BRD9: variants seen among roughly 807,000 people sequenced by gnomAD.
The protein encoded by BRD9 is bromodomain containing 9, also known as bromodomain-containing protein 9.
Under a neutral mutation model 68.7 loss-of-function variants are expected in BRD9, and 47 were observed. The ratio of observed to expected loss-of-function variants is 0.68; its 90% CI spans 0.54 to 0.87. The LOEUF is 0.87. Ranked by LOEUF, BRD9 falls within the 40% of genes least tolerant of loss-of-function variation. The probability of loss-of-function intolerance (pLI) is 0.00; values close to 1 mark genes in which losing one functional copy is unlikely to be tolerated. For synonymous variants in BRD9, 313 were observed against 293.9 expected (o/e 1.06, Z -0.67); for missense variants, 670 against 748.4 (o/e 0.90, Z 1.22).
In BRD9 at chr5:891,732, C is replaced by T; in HGVS notation, c.175G>A (p.Glu59Lys). Residue 59 changes from glutamate to lysine, a missense_variant, in exon 2 of 16, where the codon GAG (glutamate) becomes AAG (lysine). By Grantham distance (56) the Glu-to-Lys change is moderately conservative. Around this residue, in one of 5 missense-constraint regions of BRD9, gnomAD observed 161 missense variants for 148.1 expected, o/e 1.09. Transcript: ENST00000467963. ...SSYYDDRSDH[E>K]RERHKEKKKK... is the part of the protein sequence containing the mutation. ...TTCTTTTCTTTGTGCCTCTCTCGCT[C>T]ATGGTCTGACCTGTCATCATAGTAA... The T allele has an allele frequency of 6.4e-7, 1 of 1,551,678 alleles. No homozygotes were observed. Among genetic ancestry groups the T allele is most frequent in the Non-Finnish European group, 8.7e-7 (1 of 1,147,008 alleles).
chr5:889,254 C>T (rs72703155), intron 4 of BRD9, 89 bp from the exon 5 acceptor site: 59,199 of 1,353,324 alleles, frequency 0.044, 1,491 homozygotes, highest in Non-Finnish European at 0.048. Flanking sequence ...TACAACTGAC[C>T]GAATTTTGTT....
At position 883,669 on chromosome 5, in the gene BRD9, C is replaced by A; in HGVS notation, c.966+269G>T. 7.4e-6 allele frequency: 4 copies of A among 537,562 alleles called. No homozygotes were observed. In the East Asian group the frequency reaches 1.3e-4, roughly 17 times the overall value. 33.3% of individuals were successfully genotyped at this position (537,562 alleles called of 1,614,324 possible). On this transcript the variant is annotated intron_variant, in intron 8 of 15. Coordinates refer to ENST00000467963, the MANE Select transcript of BRD9 (RefSeq NM_023924.5). ...CACTCCAAGAGAAAGGATTAGCCTGCAGCAGGGCCTCCATCAAGGAAATGA... is the reference window on the plus strand; with the variant it reads ...CACTCCAAGAGAAAGGATTAGCCTGAAGCAGGGCCTCCATCAAGGAAATGA...
intron 3 of BRD9, 70 bp downstream of exon 3, chr5:891,085 A>T: frequency 1.4e-6 from 2 of 1,470,164 alleles, no homozygotes; most frequent in Non-Finnish European, 1.8e-6. Flanking sequence ...GCAACAGGAC[A>T]CGGTGCCGAC....
chr5:864,567 T>C lies in BRD9; in HGVS notation c.1695A>G (p.Gly565=). The C allele has an allele frequency of 6.2e-7, 1 of 1,613,378 alleles. No individual in the cohort carries two copies. Among genetic ancestry groups the C allele is most frequent in the Non-Finnish European group, 8.5e-7 (1 of 1,179,590 alleles). Residue 565 remains glycine, a splice_region_variant and synonymous_variant, in exon 16 of 16, where the codon GGA becomes GGG. Transcript: ENST00000467963. ...NASERDQHHL[G]SPSRLSVGEQ... ...CCCCGACACTCAGGCGAGAAGGGCT[T>C]CCTGCAATTTTCAGAACACAGGACT...
intron 7 of BRD9, among the ~76,000 whole-genome samples, chr5:886,042 A>G (rs925022162): frequency 3.9e-5 from 6 of 152,172 alleles, no homozygotes; most frequent in Admixed American, 6.5e-5. Context: ...GAGGGAGCAG[A>G]GCTACAGGGA....
At chr5:865,939 C>A in intron 14 of BRD9, 1 of 197,066 alleles carries the variant, frequency 5.1e-6, no homozygotes, top group Middle Eastern at 1.8e-3. Flanking sequence ...GGCCAGACAG[C>A]TGGATGGAGG....
chr5:877,782 C>G (rs927597857), intron 11 of BRD9, among the ~76,000 whole-genome samples: 1 of 152,178 alleles, frequency 6.6e-6, no homozygotes, highest in African/African-American at 2.4e-5. Context: ...GGGACTTTAA[C>G]GGCCTTTAGA....
intron 12 of BRD9, among the ~76,000 whole-genome samples, chr5:875,807 T>A (rs890557119): frequency 2.0e-5 from 3 of 152,194 alleles, no homozygotes; most frequent in African/African-American, 7.2e-5. Context: ...TGTCAGTAAA[T>A]CTGAACTACA....
chr5:891,198 C>A lies in BRD9; in HGVS notation c.357G>T (p.Glu119Asp), dbSNP rs771759798. The A allele has an allele frequency of 5.2e-6, 8 of 1,551,762 alleles. No individual in the cohort carries two copies. Among genetic ancestry groups the A allele is most frequent in the African/African-American group, 1.4e-5 (1 of 73,076 alleles). Residue 119 changes from glutamate (E) to aspartate (D), a missense_variant, in exon 3 of 16, where the codon GAG becomes GAT. Transcript: ENST00000467963. Reference sequence around the variant, plus strand: ...CTCGGACTGGCCGATCTGGGGGCGGCTCCACCTCCACCTTCTTCCCAGGAT... The same window carrying A: ...CTCGGACTGGCCGATCTGGGGGCGGATCCACCTCCACCTTCTTCCCAGGAT... ...DFDPGKKVEV[E>D]PPPDRPVRAC...
chr5:871,693 A>T (rs909952665), intron 12 of BRD9, 129 bp from the exon 13 acceptor site: 10 of 851,120 alleles, frequency 1.2e-5, no homozygotes, highest in Admixed American at 1.8e-5. Flanking sequence ...CAGTCACACC[A>T]TCTTAATGGA....
chr5:876,042 T>C (rs1579942128), intron 12 of BRD9, 59 bp downstream of exon 12: 1 of 1,235,754 alleles, frequency 8.1e-7, no homozygotes, highest in Non-Finnish European at 1.2e-6. Context: ...TGCAGGCTCT[T>C]CCCGCCAGCA....
At chr5:889,255 G>C (rs903020291) in intron 4 of BRD9, 90 bp from the exon 5 acceptor site, 3 of 1,340,916 alleles carry the variant, frequency 2.2e-6, no homozygotes, top group Non-Finnish European at 3.0e-6. Context: ...ACAACTGACC[G>C]AATTTTGTTT....
intron 8 of BRD9, chr5:883,238 G>A (rs1432713304): frequency 9.1e-6 from 4 of 438,416 alleles, no homozygotes; most frequent in Admixed American, 2.5e-5. Context: ...GCATTTTGAA[G>A]ACTTAATATG....
chr5:876,887 C>T (rs959806547), intron 11 of BRD9, among the ~76,000 whole-genome samples: 5 of 152,094 alleles, frequency 3.3e-5, no homozygotes, highest in Admixed American at 6.5e-5. Context: ...ACCCACAGCC[C>T]GGGACAGGCC....
chr5:869,176 G>A, intron 14 of BRD9: 2 of 373,450 alleles, frequency 5.4e-6, no homozygotes, highest in South Asian at 4.0e-5. Context: ...CCCACTCTTG[G>A]CCAAGGGCAC....
At chr5:873,364 G>A (rs1750431139) in intron 12 of BRD9, among the ~76,000 whole-genome samples, 1 of 152,124 alleles carries the variant, frequency 6.6e-6, no homozygotes, top group African/African-American at 2.4e-5. Flanking sequence ...CGGGCCTGGA[G>A]GAAGCCACAC....
chr5:877,706 C>T (rs965281524), intron 11 of BRD9, among the ~76,000 whole-genome samples: 1 of 152,176 alleles, frequency 6.6e-6, no homozygotes, highest in Non-Finnish European at 1.5e-5. Context: ...ATTGTATCTC[C>T]CGCTCAGAGT....
intron 8 of BRD9, chr5:882,865 A>C: frequency 4.7e-6 from 1 of 211,574 alleles, no homozygotes; most frequent in South Asian, 6.3e-5. Flanking sequence ...GCAACCTCCC[A>C]ACACACAAGC....
intron 14 of BRD9, among the ~76,000 whole-genome samples, chr5:866,794 C>T (rs2150549210): frequency 1.3e-5 from 2 of 152,300 alleles, no homozygotes; most frequent in South Asian, 4.1e-4. Context: ...AAAGCCTATG[C>T]TCACTTGCAC....
Sources: gnomAD v4.1 joint callset for allele counts (sites outside exome capture counted in the v4.1 genomes callset) on GRCh38, gnomAD v4.1.1 for gene constraint, gnomAD v4.1.1 regional missense constraint, MANE v1.5 for transcripts, NCBI Gene and HGNC (gene_info 2026-07-23, HGNC 2026-07-21) for gene names.